Variants in PTPRT observed in about 807,000 individuals in gnomAD.
The protein encoded by PTPRT is protein tyrosine phosphatase receptor type T.
In PTPRT, 56 loss-of-function variants were observed where a neutral mutation model predicts 176.8. The observed-to-expected ratio is 0.32, with a 90% CI of 0.26 to 0.40. The LOEUF is 0.40. PTPRT is among the 10% of genes least tolerant of loss of function. PTPRT has a pLI of 1.00. For synonymous variants in PTPRT, 783 were observed against 739.0 expected, an observed-to-expected ratio of 1.06 and a Z score of -0.96; for missense variants, 1,540 against 1,908.2, an observed-to-expected ratio of 0.81 and a Z score of 3.60.
In PTPRT at chr20:42,855,457, CAG is replaced by C. The variant is rs756858629; in HGVS notation, c.214+30348_214+30349del. On this transcript the variant is annotated intron_variant, in intron 2 of 30. Transcript: ENST00000373187. ...TTTTTTTTTTTTTTTTTTTTGGAGACAGAGTCTCACTCCACCCAGGCTGGAGT... is the reference window on the plus strand; with the variant it reads ...TTTTTTTTTTTTTTTTTTTTGGAGACAGTCTCACTCCACCCAGGCTGGAGT... 5.6e-3 allele frequency among the ~76,000 whole-genome samples: 609 copies of C among 108,872 alleles called. 3 individuals are homozygous for C. Among genetic ancestry groups the C allele is most frequent in the Non-Finnish European group, 8.2e-3 (488 of 59,240 alleles). The allele number at this position is 108,872 out of a possible 152,430, so 71.4% of individuals were successfully genotyped here. A position where few individuals can be genotyped will look rare whatever the true frequency, so the allele number is the denominator to read the frequency against.
downstream of PTPRT, among the ~76,000 whole-genome samples, chr20:42,072,236 C>T (rs1279414645): frequency 6.6e-6 from 1 of 152,234 alleles, no homozygotes; most frequent in Non-Finnish European, 1.5e-5. Flanking sequence ...GTGCCCCAGC[C>T]AAGCCTTGCC....
In PTPRT at chr20:43,054,568, G is replaced by GGA. The variant is rs1441638172; in HGVS notation, c.88+135077_88+135078insTC. Among the ~76,000 whole-genome samples the GGA allele has an allele frequency of 6.7e-5, 8 of 119,654 alleles. No individual in the cohort carries two copies. The East Asian group carries it at 1.1e-3, about 16-fold the overall frequency. The allele number at this position is 119,654 out of a possible 152,430, so 78.5% of individuals were successfully genotyped here. On this transcript the variant is annotated intron_variant, in intron 1 of 30. Transcript: ENST00000373187. ...AACCCTGTCTCCAAAAAAAGAAGGG[G>GGA]AAAAAAAAAAAAAAAAACAACCTTG...
intron 16 of PTPRT, among the ~76,000 whole-genome samples, chr20:42,189,786 T>C (rs1057088773): frequency 6.6e-6 from 1 of 152,212 alleles, no homozygotes; most frequent in African/African-American, 2.4e-5. Context: ...GCAACTCAAA[T>C]GTTCATTTTT....
intron 23 of PTPRT, among the ~76,000 whole-genome samples, chr20:42,109,422 G>T (rs937752056): frequency 6.6e-6 from 1 of 152,108 alleles, no homozygotes; most frequent in Admixed American, 6.5e-5. Context: ...ATCTCCATTT[G>T]GGAGGATTCA....
At chr20:42,357,444 C>T (rs930491986) in intron 9 of PTPRT, among the ~76,000 whole-genome samples, 2 of 152,178 alleles carry the variant, frequency 1.3e-5, no homozygotes, top group Non-Finnish European at 2.9e-5. Flanking sequence ...ATTAAATTAG[C>T]TGTGTAGCTT....
At chr20:42,507,191 G>A (rs757074954) in intron 7 of PTPRT, among the ~76,000 whole-genome samples, 3 of 152,070 alleles carry the variant, frequency 2.0e-5, no homozygotes, top group Non-Finnish European at 2.9e-5. Flanking sequence ...GGACCTATAG[G>A]GCTATGCTTA....
At chr20:42,754,217 G>A (rs1018020266) in intron 6 of PTPRT, among the ~76,000 whole-genome samples, 5 of 151,970 alleles carry the variant, frequency 3.3e-5, no homozygotes, top group South Asian at 2.1e-4. Flanking sequence ...ATGGAGTCTC[G>A]CTCAGCCGCC....
At chr20:43,055,297 C>A (rs1987192230) in intron 1 of PTPRT, among the ~76,000 whole-genome samples, 1 of 152,146 alleles carries the variant, frequency 6.6e-6, no homozygotes, top group Non-Finnish European at 1.5e-5. Context: ...TACGTACAAC[C>A]CAGAATGAAG....
chr20:42,619,795 C>T (rs1388882765), intron 7 of PTPRT, among the ~76,000 whole-genome samples: 1 of 129,680 alleles, frequency 7.7e-6, no homozygotes, highest in Non-Finnish European at 1.6e-5. Flanking sequence ...GCTCCATCAG[C>T]TCCTTTAAGC....
chr20:42,803,026 G>C (rs1333420293), intron 2 of PTPRT, among the ~76,000 whole-genome samples: 3 of 152,218 alleles, frequency 2.0e-5, no homozygotes, highest in Non-Finnish European at 2.9e-5. Context: ...GGCAGAAGCG[G>C]CATTTCTGAG....
At chr20:43,138,712 T>C (rs1451311472) in intron 1 of PTPRT, among the ~76,000 whole-genome samples, 1 of 152,138 alleles carries the variant, frequency 6.6e-6, no homozygotes, top group Non-Finnish European at 1.5e-5. Context: ...TCAGTCTAAG[T>C]GGAGCCTCCC....
intron 7 of PTPRT, among the ~76,000 whole-genome samples, chr20:42,498,807 T>A (rs2071698220): frequency 6.6e-6 from 1 of 152,062 alleles, no homozygotes; most frequent in Non-Finnish European, 1.5e-5. Flanking sequence ...AATCAGGAAA[T>A]CTTTGACTCC....
chr20:42,176,276 G>C (rs2146565426), intron 16 of PTPRT, among the ~76,000 whole-genome samples: 1 of 152,202 alleles, frequency 6.6e-6, no homozygotes, highest in South Asian at 2.1e-4. Flanking sequence ...TAATTCTTTT[G>C]GTGAGGATAT....
chr20:42,225,039 TA>T (rs2055974465), intron 15 of PTPRT, among the ~76,000 whole-genome samples: 1 of 152,242 alleles, frequency 6.6e-6, no homozygotes, highest in African/African-American at 2.4e-5. Flanking sequence ...TCTTCCTTTG[TA>T]GTTCTAGCCA....
At chr20:42,538,761 G>A (rs2072521588) in intron 7 of PTPRT, among the ~76,000 whole-genome samples, 1 of 152,124 alleles carries the variant, frequency 6.6e-6, no homozygotes, top group African/African-American at 2.4e-5. Context: ...CACTCACGGA[G>A]GCTGCTTCAC....
chr20:42,621,164 C>A (rs1418506557), intron 7 of PTPRT, among the ~76,000 whole-genome samples: 2 of 152,108 alleles, frequency 1.3e-5, no homozygotes, highest in Non-Finnish European at 2.9e-5. Context: ...TCCTTTCTTT[C>A]CCCCTCTGCC....
At chr20:42,594,779 C>T (rs544834322) in intron 7 of PTPRT, among the ~76,000 whole-genome samples, 1 of 152,250 alleles carries the variant, frequency 6.6e-6, no homozygotes, top group Non-Finnish European at 1.5e-5. Context: ...TTCAAAAATC[C>T]AGCTTTCTGT....
the PTPRT span, among the ~76,000 whole-genome samples, chr20:42,036,384 A>G: frequency 1.3e-5 from 2 of 152,176 alleles, no homozygotes; most frequent in African/African-American, 4.8e-5. Context: ...ATACTCTTAC[A>G]TAGTTTTCAC....
rs772540764 is a variant in PTPRT at position 42,113,392 on chromosome 20, T to G, written c.3099+1807A>C. Among the ~76,000 whole-genome samples, 39 of 152,216 alleles carry G rather than the reference T, an allele frequency of 2.6e-4. 1 individual carries two copies. Among genetic ancestry groups the G allele is most frequent in the Non-Finnish European group, 5.3e-4 (36 of 68,032 alleles). On this transcript the variant is annotated intron_variant, in intron 22 of 30. Coordinates refer to ENST00000373187, the MANE Select transcript of PTPRT (RefSeq NM_007050.6). ...GACTGGTACCCCTGGGTCCTCTTCC[T>G]TGGGCCTGTGCTTCCAGGCCTGAGC...
Sources: allele counts gnomAD v4.1 joint callset (sites outside exome capture counted in the v4.1 genomes callset), GRCh38; gene constraint gnomAD v4.1.1; transcripts MANE v1.5; gene names NCBI Gene and HGNC (gene_info 2026-07-23, HGNC 2026-07-21).